The following DLGAP2 variants were observed in gnomAD, a reference collection of about 807,000 sequenced individuals.
DLGAP2 encodes disks large-associated protein 2.
In DLGAP2, 26 loss-of-function variants were observed where a neutral mutation model predicts 100.3. That is an observed-to-expected ratio of 0.26 (90% CI 0.19 to 0.36). The LOEUF (loss-of-function observed/expected upper bound fraction) is 0.36. DLGAP2 is among the 10% of genes least tolerant of loss of function. DLGAP2 has a pLI of 1.00. For missense variants in DLGAP2, 1,858 were observed against 1,453.2 expected, an observed-to-expected ratio of 1.28 and a Z score of -4.53; for synonymous variants, 886 against 630.1, an observed-to-expected ratio of 1.41 and a Z score of -6.08.
At chr8:1,429,564 A>G (rs1017275843) in intron 3 of DLGAP2, among the ~76,000 whole-genome samples, 1 of 152,124 alleles carries the variant, frequency 6.6e-6, no homozygotes, top group Admixed American at 6.6e-5. Flanking sequence ...TTTGTGAAAC[A>G]TTCTTACAAT....
chr8:851,506 T>C (rs1797182353), intron 1 of DLGAP2, among the ~76,000 whole-genome samples: 1 of 152,234 alleles, frequency 6.6e-6, no homozygotes, highest in Non-Finnish European at 1.5e-5. Flanking sequence ...TAGTATATTA[T>C]GATGAAGACT....
intron 1 of DLGAP2, among the ~76,000 whole-genome samples, chr8:882,465 C>T (rs1312806592): frequency 1.4e-5 from 2 of 137,958 alleles, no homozygotes; most frequent in African/African-American, 2.7e-5. Context: ...GAGGCCTCTC[C>T]TGCGGGCACC....
At chr8:1,123,294 T>G (rs79009838) in intron 2 of DLGAP2, among the ~76,000 whole-genome samples, 2,238 of 152,294 alleles carry the variant, frequency 0.015, 54 homozygotes, top group African/African-American at 0.051. Context: ...TAAACTCACA[T>G]GGTGGTTCTT....
At chr8:1,617,412 A>G (rs1797191832) in intron 6 of DLGAP2, among the ~76,000 whole-genome samples, 1 of 152,162 alleles carries the variant, frequency 6.6e-6, no homozygotes, top group African/African-American at 2.4e-5. Flanking sequence ...TTTTAGTAAT[A>G]GCCATTCTGA....
At chr8:931,822 T>C (rs1798965620) in intron 2 of DLGAP2, among the ~76,000 whole-genome samples, 1 of 152,216 alleles carries the variant, frequency 6.6e-6, no homozygotes, top group African/African-American at 2.4e-5. Flanking sequence ...GATCTTCATT[T>C]TTTGGACTCT....
In DLGAP2 at chr8:952,965, G is replaced by C. The variant is rs181086131; in HGVS notation, c.73+44999G>C. Among the ~76,000 whole-genome samples the C allele has an allele frequency of 9.5e-4, 144 of 152,152 alleles. 2 individuals carry two copies. Among genetic ancestry groups the C allele is most frequent in the African/African-American group, 3.4e-3 (143 of 41,482 alleles). ...TGTTGGTCTGTTTTATGCTTTGGAAGGTTCTTTTGCTCATACATGAGATTA... is the reference window on the plus strand; with the variant it reads ...TGTTGGTCTGTTTTATGCTTTGGAACGTTCTTTTGCTCATACATGAGATTA... On this transcript the variant is annotated intron_variant, in intron 2 of 14. Transcript: ENST00000637795.
At chr8:1,636,885 C>T (rs536392780) in intron 8 of DLGAP2, among the ~76,000 whole-genome samples, 1 of 152,212 alleles carries the variant, frequency 6.6e-6, no homozygotes, top group African/African-American at 2.4e-5. Flanking sequence ...GATCATAAAA[C>T]GTTTTGGCCA....
At chr8:1,055,011 G>T (rs1290723704) in intron 2 of DLGAP2, among the ~76,000 whole-genome samples, 1 of 152,200 alleles carries the variant, frequency 6.6e-6, no homozygotes. Context: ...TCCACAGCAA[G>T]GAATGTTGAG....
In DLGAP2 at chr8:1,452,715, G is replaced by A. The variant is rs577806184; in HGVS notation, c.107-48651G>A. Among the ~76,000 whole-genome samples the A allele has an allele frequency of 1.5e-4, 23 of 152,074 alleles. No homozygotes were observed. In the East Asian group the frequency reaches 3.5e-3, roughly 23 times the overall value. ...TTCTGCGCTGGGCAGCTGAGCTGTC[G>A]CCTCCACAGCAGCCGGGGTCAGGCT... On this transcript the variant is annotated intron_variant, in intron 3 of 14. Coordinates refer to ENST00000637795, the MANE Select transcript of DLGAP2 (RefSeq NM_001346810.2).
chr8:1,686,673 C>CAA (rs34790163), intron 12 of DLGAP2, among the ~76,000 whole-genome samples: 2 of 140,136 alleles, frequency 1.4e-5, no homozygotes, highest in Non-Finnish European at 1.6e-5. Flanking sequence ...AGACCCCATC[C>CAA]AAAAAAAAAA....
intron 2 of DLGAP2, among the ~76,000 whole-genome samples, chr8:1,217,027 G>T (rs369567516): frequency 3.9e-5 from 6 of 152,092 alleles, no homozygotes; most frequent in Admixed American, 2.0e-4. Context: ...TTGCCTAGCT[G>T]GGGTTTGGTG....
intron 2 of DLGAP2, among the ~76,000 whole-genome samples, chr8:912,971 C>G (rs1798519342): frequency 6.6e-6 from 1 of 152,236 alleles, no homozygotes; most frequent in South Asian, 2.1e-4. Context: ...TTGCTGTGTG[C>G]TTTCTGCAGG....
At chr8:1,255,795 C>T (rs1306086061) in intron 2 of DLGAP2, among the ~76,000 whole-genome samples, 2 of 126,650 alleles carry the variant, frequency 1.6e-5, no homozygotes, top group African/African-American at 6.3e-5. Context: ...CTCATCCTGC[C>T]TGGGTGCTAT....
At chr8:1,075,054 CG>C (rs899818051) in intron 2 of DLGAP2, among the ~76,000 whole-genome samples, 3 of 148,102 alleles carry the variant, frequency 2.0e-5, no homozygotes, top group African/African-American at 7.6e-5. Flanking sequence ...AACAGTGCAG[CG>C]GGGGGTGGGG....
intron 2 of DLGAP2, among the ~76,000 whole-genome samples, chr8:1,096,541 C>T (rs1804374124): frequency 6.6e-6 from 1 of 151,896 alleles, no homozygotes; most frequent in Non-Finnish European, 1.5e-5. Context: ...GCGTGAGGCC[C>T]ACCTCCCTGT....
At chr8:1,052,311 A>G (rs185877024) in intron 2 of DLGAP2, among the ~76,000 whole-genome samples, 14 of 152,300 alleles carry the variant, frequency 9.2e-5, no homozygotes, top group East Asian at 1.9e-4. Context: ...CATACTTTAC[A>G]TGCAAAACCA....
chr8:1,556,498 C>A (rs1257309244), intron 5 of DLGAP2, among the ~76,000 whole-genome samples: 1 of 152,174 alleles, frequency 6.6e-6, no homozygotes. Flanking sequence ...CAGTGGATGC[C>A]CCAGGCTTGT....
At position 1,087,966 on chromosome 8, in the gene DLGAP2, A is replaced by G. The variant is rs148857789; in HGVS notation, c.74-170885A>G. Among the ~76,000 whole-genome samples the G allele has an allele frequency of 5.3e-5, 8 of 152,330 alleles. No homozygotes were observed. In the East Asian group the frequency reaches 1.5e-3, roughly 29 times the overall value. On this transcript the variant is annotated intron_variant, in intron 2 of 14. Coordinates refer to ENST00000637795, the MANE Select transcript of DLGAP2 (RefSeq NM_001346810.2). ...CAATGTCAGTGCCAGTTCCTGGGCTATGTGGCCTCCTTATCCATCCTGGAT... is the reference window on the plus strand; with the variant it reads ...CAATGTCAGTGCCAGTTCCTGGGCTGTGTGGCCTCCTTATCCATCCTGGAT...
intron 2 of DLGAP2, among the ~76,000 whole-genome samples, chr8:1,178,177 A>G (rs1273902416): frequency 1.3e-5 from 2 of 152,228 alleles, no homozygotes. Context: ...GGGAAATGTT[A>G]AATTCAGGAA....
Sources: allele counts gnomAD v4.1 joint callset (sites outside exome capture counted in the v4.1 genomes callset), GRCh38; gene constraint gnomAD v4.1.1; transcripts MANE v1.5; gene names NCBI Gene and HGNC (gene_info 2026-07-23, HGNC 2026-07-21).